Variants in GFRA2 observed in about 807,000 individuals in gnomAD.
GFRA2 encodes the protein GDNF family receptor alpha 2.
Under a neutral mutation model 48.3 loss-of-function variants are expected in GFRA2, and 17 were observed. The observed-to-expected ratio is 0.35, with a 90% CI of 0.24 to 0.53. The LOEUF (loss-of-function observed/expected upper bound fraction) is 0.53, where lower values mean the gene tolerates loss of function less well. GFRA2 is among the 20% of genes least tolerant of loss of function. The pLI is 0.93. For synonymous variants in GFRA2, 305 were observed against 257.2 expected, an observed-to-expected ratio of 1.19 and a Z score of -1.78; for missense variants, 660 against 637.3, an observed-to-expected ratio of 1.04 and a Z score of -0.38.
rs1325337290 is a variant in GFRA2, at chr8:21,694,515, C to A, written c.1221G>T (p.Glu407Asp). Residue 407 changes from glutamate to aspartate, a missense_variant and splice_region_variant, in exon 8 of 9, where the codon GAG (glutamate) becomes GAT (aspartate). By Grantham distance (45) the Glu-to-Asp change is conservative. Transcript: ENST00000524240. The part of the protein sequence containing the change: ...SVITTCTSVQ[E>D]QGLKANNSKE... The stretch of plus-strand genomic sequence containing the variant: ...TGGAGTTGTTGGCCTTCAGCCCCTG[C>A]TCCTGCGAGAGAGAAGGTGCCAGTC... 6.2e-7 allele frequency: 1 copy of A among 1,610,188 alleles called. No homozygotes were observed. The highest frequency in any genetic ancestry group is 8.5e-7 in the Non-Finnish European group (1 of 1,178,612).
At chr8:21,759,954 A>G (rs11778305) in intron 3 of GFRA2, among the ~76,000 whole-genome samples, 33,370 of 151,264 alleles carry the variant, frequency 0.22, 3,766 homozygotes, top group South Asian at 0.28. Context: ...GGTGACATCA[A>G]GTTGAGGTAG....
At chr8:21,784,873 G>A (rs1807190969) in intron 1 of GFRA2, among the ~76,000 whole-genome samples, 1 of 152,290 alleles carries the variant, frequency 6.6e-6, no homozygotes, top group Middle Eastern at 3.4e-3. Context: ...GGCTTCAGCA[G>A]ATTCCTACCT....
chr8:21,799,704 A>G (rs761396361), intron 2 of GFRA2, among the ~76,000 whole-genome samples: 6,880 of 152,222 alleles, frequency 0.045, 214 homozygotes, highest in Middle Eastern at 0.082. Flanking sequence ...CTAGTGAACC[A>G]AGTCACTTGT....
At position 21,749,403 on chromosome 8, in the gene GFRA2, G is replaced by A. The variant is rs151063635; in HGVS notation, c.794+1185C>T. Among the ~76,000 whole-genome samples, 468 of 152,034 alleles carry A rather than the reference G, an allele frequency of 3.1e-3. 4 individuals are homozygous for A. Among genetic ancestry groups the A allele is most frequent in the African/African-American group, 9.4e-3 (388 of 41,480 alleles). On this transcript the variant is annotated intron_variant, in intron 4 of 8. Transcript: ENST00000524240. Reference sequence around the variant, plus strand: ...ACTCCTATTTTATAGGTGAAGGGACGGAAGGTCAGGAAAATTTTGTAAACT... The same window carrying A: ...ACTCCTATTTTATAGGTGAAGGGACAGAAGGTCAGGAAAATTTTGTAAACT...
intron 4 of GFRA2, among the ~76,000 whole-genome samples, chr8:21,736,771 C>T (rs545049595): frequency 5.3e-5 from 8 of 152,170 alleles, no homozygotes; most frequent in African/African-American, 1.9e-4. Flanking sequence ...GCATTACTGG[C>T]ATGAGCTACT....
chr8:21,707,116 C>T lies in GFRA2; in HGVS notation c.795-1075G>A, dbSNP rs147082022. Reference sequence around the variant, plus strand: ...AATAGCTAGTAATAAGGTCTGTTCACGGGCCTTTCCCAATGATGGGAACTC... The same window carrying T: ...AATAGCTAGTAATAAGGTCTGTTCATGGGCCTTTCCCAATGATGGGAACTC... On this transcript the variant is annotated intron_variant, in intron 4 of 8. Transcript: ENST00000524240. Among the ~76,000 whole-genome samples, 609 of 152,322 alleles carry T rather than the reference C, an allele frequency of 4.0e-3. 2 individuals are homozygous for T. The highest frequency in any genetic ancestry group is 0.013 in the African/African-American group (559 of 41,570).
intron 2 of GFRA2, among the ~76,000 whole-genome samples, chr8:21,801,830 C>T (rs1293264336): frequency 6.6e-6 from 1 of 152,196 alleles, no homozygotes; most frequent in African/African-American, 2.4e-5. Context: ...CAGCCCTCGC[C>T]AAACTGTCCA....
rs1002031330 is a variant in GFRA2 at position 21,788,691 on chromosome 8, G to T, written c.-532C>A. The T allele has an allele frequency of 9.1e-6, 9 of 985,780 alleles. No homozygotes were observed. In the African/African-American group the frequency reaches 1.2e-4, roughly 13 times the overall value. 61.1% of individuals were successfully genotyped at this position (985,780 alleles called of 1,614,324 possible). A position where few individuals can be genotyped will look rare whatever the true frequency, so the allele number is the denominator to read the frequency against. On this transcript the variant is annotated 5_prime_UTR_variant, in exon 1 of 9. Coordinates refer to ENST00000524240, the MANE Select transcript of GFRA2 (RefSeq NM_001495.5). The stretch of plus-strand genomic sequence containing the variant: ...GCTTCGAGGACGAGAGACTGGAGTC[G>T]CTTCTTTCGCACCAAGACGAAGACA...
chr8:21,691,205 T>A lies in GFRA2; in HGVS notation c.*2073A>T, dbSNP rs2117296063. The A allele has an allele frequency of 6.6e-6, 1 of 152,370 alleles. No homozygotes were observed. Among genetic ancestry groups the A allele is most frequent in the East Asian group, 1.9e-4 (1 of 5,186 alleles). 9.4% of individuals were successfully genotyped at this position (152,370 alleles called of 1,614,324 possible). A position where few individuals can be genotyped will look rare whatever the true frequency, so the allele number is the denominator to read the frequency against. ...CTGACAGTAGAAACATCTTCTCGCC[T>A]ACCAGTCTTCCATTCTCCCTCCTGC... On this transcript the variant is annotated 3_prime_UTR_variant, in exon 9 of 9. Coordinates refer to ENST00000524240, the MANE Select transcript of GFRA2 (RefSeq NM_001495.5).
intron 3 of GFRA2, among the ~76,000 whole-genome samples, chr8:21,756,702 G>A (rs1271297734): frequency 1.3e-5 from 2 of 152,226 alleles, no homozygotes; most frequent in African/African-American, 2.4e-5. Flanking sequence ...GTCCTTGCCT[G>A]GCACTGGGGC....
intron 4 of GFRA2, among the ~76,000 whole-genome samples, chr8:21,711,888 A>C (rs1404906716): frequency 7.2e-5 from 11 of 152,124 alleles, no homozygotes; most frequent in African/African-American, 1.4e-4. Flanking sequence ...TGACTCTTAA[A>C]GAGCATGCTG....
chr8:21,802,399 G>C (rs933131670), intron 2 of GFRA2, among the ~76,000 whole-genome samples: 1 of 152,274 alleles, frequency 6.6e-6, no homozygotes, highest in Non-Finnish European at 1.5e-5. Context: ...CTGTTGTCCA[G>C]GCTGGAGTGC....
intron 3 of GFRA2, among the ~76,000 whole-genome samples, chr8:21,763,414 G>A (rs1806004004): frequency 6.6e-6 from 1 of 151,970 alleles, no homozygotes; most frequent in African/African-American, 2.4e-5. Context: ...CACCAACCCT[G>A]CCATTCCCCT....
chr8:21,804,200 G>GCACACA (rs146613602), intron 2 of GFRA2, among the ~76,000 whole-genome samples: 16 of 145,148 alleles, frequency 1.1e-4, no homozygotes, highest in African/African-American at 2.2e-4. Context: ...ATACATACAT[G>GCACACA]CACACACACA....
Position 21,702,899 on chromosome 8 carries a change from G to T in GFRA2, c.1124C>A (p.Ala375Asp). The T allele has an allele frequency of 6.3e-7, 1 of 1,597,078 alleles. No homozygotes were observed. The highest frequency in any genetic ancestry group is 8.5e-7 in the Non-Finnish European group (1 of 1,172,932). The change falls in exon 7 of 9, where the codon GCC becomes GAC. Residue 375 changes from alanine to aspartate, a missense_variant. Transcript: ENST00000524240. ...PKGPSFQATQ[A>D]PRVEKTPSLP... is the part of the protein sequence containing the mutation. Reference sequence around the variant, plus strand: ...AGAAGGCGTCTTCTCCACCCGAGGGGCCTGGGTGGCCTGGAACGAGGGGCC... The same window carrying T: ...AGAAGGCGTCTTCTCCACCCGAGGGTCCTGGGTGGCCTGGAACGAGGGGCC...
intron 2 of GFRA2, chr8:21,781,039 T>C (rs1397070931): frequency 1.3e-5 from 2 of 152,100 alleles, no homozygotes; most frequent in Non-Finnish European, 1.5e-5. Flanking sequence ...GGCGGGCCGA[T>C]GGCTTGAGCC....
chr8:21,740,111 C>A (rs147955141), intron 4 of GFRA2, among the ~76,000 whole-genome samples: 2 of 152,294 alleles, frequency 1.3e-5, no homozygotes, highest in Non-Finnish European at 2.9e-5. Context: ...TAGAGTCTGT[C>A]CCAAGGCTGA....
Position 21,692,379 on chromosome 8 carries a change from A to C in GFRA2, c.*899T>G, listed in dbSNP as rs1251033757. 1 of 152,238 alleles carries C rather than the reference A, an allele frequency of 6.6e-6. No individual in the cohort carries two copies. The highest frequency in any genetic ancestry group is 2.4e-5 in the African/African-American group (1 of 41,400). 9.4% of individuals were successfully genotyped at this position (152,238 alleles called of 1,614,324 possible). Reference sequence around the variant, plus strand: ...AGGGGAAAGGAGGAGGAGGGAGAAGACAGCAGGAAAGCTTGAGGGCCCACG... The same window carrying C: ...AGGGGAAAGGAGGAGGAGGGAGAAGCCAGCAGGAAAGCTTGAGGGCCCACG... On this transcript the variant is annotated 3_prime_UTR_variant, in exon 9 of 9. Coordinates refer to ENST00000524240, the MANE Select transcript of GFRA2 (RefSeq NM_001495.5).
In GFRA2 at chr8:21,705,988, G is replaced by A. The variant is rs1157882986; in HGVS notation, c.848C>T (p.Thr283Ile). 1 of 1,580,890 alleles carries A rather than the reference G, an allele frequency of 6.3e-7. No homozygotes were observed. Among genetic ancestry groups the A allele is most frequent in the Non-Finnish European group, 8.6e-7 (1 of 1,163,148 alleles). The change falls in exon 5 of 9, where the codon ACC becomes ATC. Residue 283 changes from threonine (T) to isoleucine (I), a missense_variant. Coordinates refer to ENST00000524240, the MANE Select transcript of GFRA2 (RefSeq NM_001495.5). ...CTGGTAATTGTCCGCAGGGCAGCTG[G>A]TGACCGTCTGGTAGGAGGCTCGACA... Reference protein sequence around the residue: ...ANCRASYQTVTSCPADNYQAC... With the variant: ...ANCRASYQTVISCPADNYQAC...
Sources: gnomAD v4.1 joint callset for allele counts (sites outside exome capture counted in the v4.1 genomes callset) on GRCh38, gnomAD v4.1.1 for gene constraint, MANE v1.5 for transcripts, NCBI Gene and HGNC (gene_info 2026-07-23, HGNC 2026-07-21) for gene names.